The following MTHFD2L variants were observed in gnomAD, a reference collection of about 807,000 sequenced individuals.
MTHFD2L encodes the protein bifunctional methylenetetrahydrofolate dehydrogenase/cyclohydrolase 2, mitochondrial.
MTHFD2L carries 29 observed loss-of-function variants against 34.9 expected under a neutral mutation model. The observed-to-expected ratio is 0.83, with a 90% CI of 0.62 to 1.13. The LOEUF (loss-of-function observed/expected upper bound fraction) is 1.13, where lower values mean the gene tolerates loss of function less well. MTHFD2L is among the 50% of genes most tolerant of loss of function. The probability of loss-of-function intolerance (pLI) is 0.00; values close to 1 mark genes in which losing one functional copy is unlikely to be tolerated. For missense variants in MTHFD2L, 481 were observed against 446.5 expected, an observed-to-expected ratio of 1.08 and a Z score of -0.70; for synonymous variants, 167 against 155.7, an observed-to-expected ratio of 1.07 and a Z score of -0.54.
At position 74,252,537 on chromosome 4, in the gene MTHFD2L, CAAG is replaced by C. The variant is rs142452989; in HGVS notation, c.805+27146_805+27148del. On this transcript the variant is annotated intron_variant, in intron 6 of 7. Coordinates refer to ENST00000325278, the MANE Select transcript of MTHFD2L (RefSeq NM_001144978.3). ...AATGAGAGAATAACAGTTTATAAAA[CAAG>C]AATATGGGGTTATATAAAATTGATA... Among the ~76,000 whole-genome samples, 304 of 151,546 alleles carry C rather than the reference CAAG, an allele frequency of 2.0e-3. 6 individuals carry two copies. In the East Asian group the frequency reaches 0.055, roughly 27 times the overall value.
intron 3 of MTHFD2L, among the ~76,000 whole-genome samples, chr4:74,188,139 T>C (rs1476023814): frequency 6.6e-6 from 1 of 152,166 alleles, no homozygotes; most frequent in Non-Finnish European, 1.5e-5. Flanking sequence ...TTCATTTAAA[T>C]AAAATTATAT....
At chr4:74,200,787 A>C (rs1734287418) in intron 4 of MTHFD2L, among the ~76,000 whole-genome samples, 1 of 152,086 alleles carries the variant, frequency 6.6e-6, no homozygotes. Flanking sequence ...TACAGGCTTT[A>C]TTTTTTTACA....
At chr4:74,117,238 C>A (rs1197725601) in intron 2 of MTHFD2L, among the ~76,000 whole-genome samples, 1 of 152,196 alleles carries the variant, frequency 6.6e-6, no homozygotes, top group East Asian at 1.9e-4. Flanking sequence ...ACAGAAGGAA[C>A]CTGGCCTCGG....
At position 74,175,277 on chromosome 4, in the gene MTHFD2L, C is replaced by T; in HGVS notation, c.329-4C>T. The T allele has an allele frequency of 3.1e-6, 5 of 1,608,844 alleles. No homozygotes were observed. The South Asian group carries it at 4.4e-5, about 14-fold the overall frequency. On this transcript the variant is annotated splice_region_variant and splice_polypyrimidine_tract_variant and intron_variant, in intron 2 of 7. Coordinates refer to ENST00000325278, the MANE Select transcript of MTHFD2L (RefSeq NM_001144978.3). ...GTGACCTTCTCTACCTGTTTTTCTT[C>T]TAGGTATTTGTAGTGAGCTCATTCT...
Position 74,201,385 on chromosome 4 carries a change from G to A in MTHFD2L, c.712+15G>A, listed in dbSNP as rs760661932. 6.4e-7 allele frequency: 1 copy of A among 1,559,318 alleles called. No homozygotes were observed. Among genetic ancestry groups the A allele is most frequent in the South Asian group, 1.1e-5 (1 of 88,656 alleles). ...ACGGCCAGGAGGTAGGTAGAACCTTGCAGATTCTACACTCTCTCGCAGTAT... is the reference window on the plus strand; with the variant it reads ...ACGGCCAGGAGGTAGGTAGAACCTTACAGATTCTACACTCTCTCGCAGTAT... On this transcript the variant is annotated intron_variant, in intron 5 of 7. Transcript: ENST00000325278.
intron 7 of MTHFD2L, 24 bp from the exon 8 acceptor site, chr4:74,301,671 ATC>A (rs772175853): frequency 1.6e-5 from 21 of 1,335,686 alleles, no homozygotes; most frequent in Non-Finnish European, 2.0e-5. Flanking sequence ...AATAAAGAAT[ATC>A]TGTTTGTTTT....
At chr4:74,190,456 G>C (rs184877630) in intron 3 of MTHFD2L, 10 of 985,028 alleles carry the variant, frequency 1.0e-5, no homozygotes, top group Non-Finnish European at 9.6e-6. Context: ...GGCAGTTTTC[G>C]TGGCTGTAGG....
At chr4:74,174,807 T>C in intron 2 of MTHFD2L, 117 bp downstream of exon 2, 1 of 678,866 alleles carries the variant, frequency 1.5e-6, no homozygotes, top group East Asian at 3.3e-5. Flanking sequence ...CATGTATTAT[T>C]ATTAAAGATT....
chr4:74,265,920 T>C lies in MTHFD2L; in HGVS notation c.806-15505T>C, dbSNP rs577229347. Among the ~76,000 whole-genome samples the C allele has an allele frequency of 7.9e-5, 12 of 152,354 alleles. No homozygotes were observed. In the East Asian group the frequency reaches 1.9e-3, roughly 24 times the overall value. The stretch of plus-strand genomic sequence containing the variant: ...AGATGTGGAGACGTCATTACTTTTT[T>C]TCTTTTAACAAACAAAGCACCATTT... On this transcript the variant is annotated intron_variant, in intron 6 of 7. Coordinates refer to ENST00000325278, the MANE Select transcript of MTHFD2L (RefSeq NM_001144978.3).
chr4:74,167,549 C>T (rs150667595), intron 1 of MTHFD2L, among the ~76,000 whole-genome samples: 2 of 152,140 alleles, frequency 1.3e-5, no homozygotes, highest in African/African-American at 2.4e-5. Context: ...TGTGGGAGCT[C>T]ACAGCAGATT....
At chr4:74,290,915 A>G (rs1748813781) in intron 7 of MTHFD2L, among the ~76,000 whole-genome samples, 1 of 149,234 alleles carries the variant, frequency 6.7e-6, no homozygotes, top group Admixed American at 6.7e-5. Context: ...TTAATGCTAT[A>G]CTGCGTTGCA....
intron 3 of MTHFD2L, chr4:74,183,795 A>G (rs1405786481): frequency 1.7e-5 from 2 of 116,646 alleles, no homozygotes; most frequent in East Asian, 5.0e-4. Flanking sequence ...TCATGTATAT[A>G]TATGTTATAA....
rs145718845 is a variant in MTHFD2L at position 74,200,416 on chromosome 4, G to A, written c.604+470G>A. On this transcript the variant is annotated intron_variant, in intron 4 of 7. Coordinates refer to ENST00000325278, the MANE Select transcript of MTHFD2L (RefSeq NM_001144978.3). ...AGATAACTGCAGTTGCAACTTATAG[G>A]AAGTGAATTTTCCACATAGTAGTGG... Among the ~76,000 whole-genome samples, 497 of 152,252 alleles carry A rather than the reference G, an allele frequency of 3.3e-3. 1 individual carries two copies. The highest frequency in any genetic ancestry group is 0.012 in the South Asian group (60 of 4,832).
chr4:74,187,396 T>C (rs485668), intron 3 of MTHFD2L, among the ~76,000 whole-genome samples: 152,142 of 152,338 alleles, frequency 1, 75,973 homozygotes, highest in Middle Eastern at 1. Context: ...AAATAATCAT[T>C]GCTGAAACTT....
chr4:74,138,017 G>A (rs988859186), intron 1 of MTHFD2L, among the ~76,000 whole-genome samples: 3 of 151,524 alleles, frequency 2.0e-5, no homozygotes, highest in Non-Finnish European at 2.9e-5. Flanking sequence ...TTACCAATGA[G>A]CTTTACACTT....
intron 1 of MTHFD2L, among the ~76,000 whole-genome samples, chr4:74,143,965 G>C (rs1723434395): frequency 6.6e-6 from 1 of 152,160 alleles, no homozygotes; most frequent in Non-Finnish European, 1.5e-5. Flanking sequence ...TGAGAAGGTA[G>C]CAATTGGAAA....
Position 74,179,099 on chromosome 4 carries a change from T to TGA in MTHFD2L, c.451+3699_451+3700dup, listed in dbSNP as rs1729608519. Among the ~76,000 whole-genome samples the TGA allele has an allele frequency of 3.3e-5, 5 of 152,170 alleles. No homozygotes were observed. In the South Asian group the frequency reaches 1.0e-3, roughly 32 times the overall value. ...TTCTTCATTTTATAGTTAAAGAGAC[T>TGA]GAGACACAGGGAGGTTAAGTGAATT... On this transcript the variant is annotated intron_variant, in intron 3 of 7. Transcript: ENST00000325278.
At chr4:74,184,040 T>C (rs1247923405) in intron 3 of MTHFD2L, 8 of 152,038 alleles carry the variant, frequency 5.3e-5, no homozygotes, top group Admixed American at 2.6e-4. Context: ...ATGTATAATA[T>C]GAAACCGAAA....
chr4:74,125,202 T>G (rs10938107), upstream of MTHFD2L, among the ~76,000 whole-genome samples: 42,053 of 152,010 alleles, frequency 0.28, 7,149 homozygotes, highest in East Asian at 0.52. Flanking sequence ...CAGGTACATG[T>G]TGATTAACCC....
Sources: gnomAD v4.1 joint callset for allele counts (sites outside exome capture counted in the v4.1 genomes callset) on GRCh38, gnomAD v4.1.1 for gene constraint, MANE v1.5 for transcripts, NCBI Gene and HGNC (gene_info 2026-07-23, HGNC 2026-07-21) for gene names.